Variants in LYRM4 observed in about 807,000 individuals in gnomAD.
The protein encoded by LYRM4 is LYR motif containing 4.
In LYRM4, 9 loss-of-function variants were observed where a neutral mutation model predicts 11.7. That is an observed-to-expected ratio of 0.77 (90% CI 0.46 to 1.34). The LOEUF (loss-of-function observed/expected upper bound fraction) is 1.34. LYRM4 is among the 40% of genes most tolerant of loss of function. LYRM4 has a pLI of 0.00. For synonymous variants in LYRM4, 42 were observed against 40.4 expected (o/e 1.04, Z -0.15); for missense variants, 133 against 112.5 (o/e 1.18, Z -0.82).
intron 2 of LYRM4, chr6:5,186,827 T>G (rs1458861876): frequency 5.3e-6 from 3 of 562,744 alleles, no homozygotes; most frequent in Non-Finnish European, 8.5e-6. Context: ...CTACTAAGAA[T>G]ACAAAAATTA....
intron 1 of LYRM4, among the ~76,000 whole-genome samples, chr6:5,229,003 C>CAAAAAA (rs70974180): frequency 1.8e-4 from 7 of 37,940 alleles, no homozygotes; most frequent in East Asian, 6.6e-4. Context: ...GGCTCAGTCT[C>CAAAAAA]AAAAAAAAAA....
chr6:5,260,608 C>CCG, intron 1 of LYRM4, 40 bp downstream of exon 1: 59 of 1,337,998 alleles, frequency 4.4e-5, no homozygotes, highest in Middle Eastern at 2.6e-4. Flanking sequence ...TCCCCGGCCC[C>CCG]TGGCCCCCCG....
chr6:5,109,398 C>A lies in LYRM4; in HGVS notation c.*25G>T, dbSNP rs763104641. The A allele has an allele frequency of 6.2e-7, 1 of 1,613,782 alleles. No homozygotes were observed. The highest frequency in any genetic ancestry group is 8.5e-7 in the Non-Finnish European group (1 of 1,179,760). On this transcript the variant is annotated 3_prime_UTR_variant, in exon 3 of 3. Transcript: ENST00000330636. The stretch of plus-strand genomic sequence containing the variant: ...GGATGCTGAAGGTGGTCCCTGGCCG[C>A]CACTGGTGGCTGGTCCCCGGCTTGC...
intron 2 of LYRM4, among the ~76,000 whole-genome samples, chr6:5,170,489 T>C: frequency 1.4e-5 from 1 of 72,024 alleles, no homozygotes; most frequent in Non-Finnish European, 2.7e-5. Flanking sequence ...TTCTTTTATT[T>C]ATTTATTTAT....
intron 1 of LYRM4, among the ~76,000 whole-genome samples, chr6:5,233,447 T>C (rs1763360102): frequency 6.6e-6 from 1 of 152,204 alleles, no homozygotes; most frequent in Non-Finnish European, 1.5e-5. Flanking sequence ...GAAGAAAAGT[T>C]AGGGACCTGG....
chr6:5,194,231 G>A (rs1365023879), intron 2 of LYRM4, among the ~76,000 whole-genome samples: 1 of 152,108 alleles, frequency 6.6e-6, no homozygotes, highest in Non-Finnish European at 1.5e-5. Flanking sequence ...TAAACTGAAA[G>A]CTCCTGAAGG....
At chr6:5,189,155 C>T (rs1760602036) in intron 2 of LYRM4, among the ~76,000 whole-genome samples, 1 of 152,242 alleles carries the variant, frequency 6.6e-6, no homozygotes, top group Non-Finnish European at 1.5e-5. Flanking sequence ...TAATATTTGC[C>T]TCTTGCTAAC....
intron 2 of LYRM4, among the ~76,000 whole-genome samples, chr6:5,157,910 G>T (rs1758510100): frequency 1.3e-5 from 2 of 152,238 alleles, no homozygotes; most frequent in Admixed American, 1.3e-4. Context: ...GCCAGCAGCC[G>T]CCTCTGCACT....
Position 5,159,829 on chromosome 6 carries a change from A to C in LYRM4, c.208-50338T>G, listed in dbSNP as rs761769219. On this transcript the variant is annotated intron_variant, in intron 2 of 2. Coordinates refer to ENST00000330636, the MANE Select transcript of LYRM4 (RefSeq NM_020408.6). ...ATGAACATTGACTTTGGCTTCTATCAAACACAGCTCTGCCCTCTTGACACA... is the reference window on the plus strand; with the variant it reads ...ATGAACATTGACTTTGGCTTCTATCCAACACAGCTCTGCCCTCTTGACACA... Among the ~76,000 whole-genome samples, 233 of 152,288 alleles carry C rather than the reference A, an allele frequency of 1.5e-3. 2 individuals carry two copies. The highest frequency in any genetic ancestry group is 1.4e-3 in the Non-Finnish European group (93 of 68,028).
chr6:5,161,916 G>T (rs1271614728), intron 2 of LYRM4, among the ~76,000 whole-genome samples: 1 of 152,176 alleles, frequency 6.6e-6, no homozygotes, highest in African/African-American at 2.4e-5. Context: ...GGGGTGATTA[G>T]GAAGGGAGGG....
chr6:5,174,476 A>G (rs1175354789), intron 2 of LYRM4, among the ~76,000 whole-genome samples: 1 of 152,158 alleles, frequency 6.6e-6, no homozygotes, highest in Non-Finnish European at 1.5e-5. Flanking sequence ...TCTTCACAAA[A>G]GCTCGAGTTT....
downstream of LYRM4, chr6:5,106,500 A>G (rs1009153460): frequency 1.3e-5 from 2 of 152,230 alleles, no homozygotes; most frequent in African/African-American, 4.8e-5. Flanking sequence ...GATTAACGGG[A>G]GAGGCTGTGG....
chr6:5,157,616 C>T (rs1028933162), intron 2 of LYRM4, among the ~76,000 whole-genome samples: 1 of 151,766 alleles, frequency 6.6e-6, no homozygotes, highest in African/African-American at 2.4e-5. Context: ...AGAGAATTCC[C>T]AGAGGTGGCA....
rs1762759464 is a variant in LYRM4, at chr6:5,109,022, T to C, written c.*401A>G. Reference sequence around the variant, plus strand: ...CAGCCCTCTCCAGGCCTTGTATCAGTAGGAAATGAAAATGCATTAATTGGG... The same window carrying C: ...CAGCCCTCTCCAGGCCTTGTATCAGCAGGAAATGAAAATGCATTAATTGGG... On this transcript the variant is annotated 3_prime_UTR_variant, in exon 3 of 3. Coordinates refer to ENST00000330636, the MANE Select transcript of LYRM4 (RefSeq NM_020408.6). 5.9e-6 allele frequency: 6 copies of C among 1,009,200 alleles called. No individual in the cohort carries two copies. The highest frequency in any genetic ancestry group is 5.9e-6 in the Non-Finnish European group (5 of 843,492). The allele number at this position is 1,009,200 out of a possible 1,614,324, so 62.5% of individuals were successfully genotyped here. A position where few individuals can be genotyped will look rare whatever the true frequency, so the allele number is the denominator to read the frequency against.
chr6:5,126,569 G>A (rs1763708405), intron 2 of LYRM4, among the ~76,000 whole-genome samples: 1 of 152,118 alleles, frequency 6.6e-6, no homozygotes, highest in Non-Finnish European at 1.5e-5. Context: ...GCCAAGAAGT[G>A]AAAACAGCCC....
intron 1 of LYRM4, among the ~76,000 whole-genome samples, chr6:5,259,275 T>C (rs745447582): frequency 3.3e-5 from 5 of 152,260 alleles, no homozygotes; most frequent in Non-Finnish European, 5.9e-5. Flanking sequence ...TTAACTTGCA[T>C]ATTTCATGTG....
chr6:5,144,344 T>C lies in LYRM4; in HGVS notation c.208-34853A>G. 4 of 1,493,968 alleles carry C rather than the reference T, an allele frequency of 2.7e-6. No individual in the cohort carries two copies. The South Asian group carries it at 3.6e-5, about 13-fold the overall frequency. The allele number at this position is 1,493,968 out of a possible 1,614,324, so 92.5% of individuals were successfully genotyped here. ...AAAGAAGTGGCTTACGTGTAAGAAA[T>C]ATGTCAGGTGAGGCCGGGTGCGGTG... On this transcript the variant is annotated intron_variant, in intron 2 of 2. Coordinates refer to ENST00000330636, the MANE Select transcript of LYRM4 (RefSeq NM_020408.6).
intron 2 of LYRM4, among the ~76,000 whole-genome samples, chr6:5,207,918 C>T (rs1194572762): frequency 1.3e-5 from 2 of 152,172 alleles, no homozygotes; most frequent in Non-Finnish European, 2.9e-5. Flanking sequence ...CTTTCATCTT[C>T]AATGTCTTGT....
chr6:5,044,919 G>A, the LYRM4 span, among the ~76,000 whole-genome samples: 4 of 152,346 alleles, frequency 2.6e-5, no homozygotes, highest in Admixed American at 2.0e-4. Flanking sequence ...GCAGGAAAGT[G>A]AGAGCTTCCA....
Sources: gnomAD v4.1 joint callset for allele counts (sites outside exome capture counted in the v4.1 genomes callset) on GRCh38, gnomAD v4.1.1 for gene constraint, MANE v1.5 for transcripts, NCBI Gene and HGNC (gene_info 2026-07-23, HGNC 2026-07-21) for gene names.